The following AGTRAP variants were observed in gnomAD, a reference collection of about 807,000 sequenced individuals.
AGTRAP encodes the protein type-1 angiotensin II receptor-associated protein.
Under a neutral mutation model 15.2 loss-of-function variants are expected in AGTRAP, and 7 were observed. The observed-to-expected ratio is 0.46, with a 90% confidence interval of 0.26 to 0.87. AGTRAP has a LOEUF of 0.87. AGTRAP is among the 40% of genes least tolerant of loss of function. The pLI, the probability that AGTRAP is intolerant of heterozygous loss-of-function variation, is 0.15. For synonymous variants in AGTRAP, 74 were observed against 89.6 expected (o/e 0.83, Z 0.98); for missense variants, 187 against 213.4 (o/e 0.88, Z 0.77).
At position 11,750,447 on chromosome 1, in the gene AGTRAP, C is replaced by T; in HGVS notation, c.*255C>T. On this transcript the variant is annotated 3_prime_UTR_variant, in exon 5 of 5. Transcript: ENST00000314340. Reference sequence around the variant, plus strand: ...AGGCTGGAACCAGGGTCTCTCTTTACCTCCTACCCCATGGTGGCACCACAG... The same window carrying T: ...AGGCTGGAACCAGGGTCTCTCTTTATCTCCTACCCCATGGTGGCACCACAG... The T allele has an allele frequency of 1.7e-6, 1 of 600,820 alleles. No homozygotes were observed. The highest frequency in any genetic ancestry group is 3.0e-6 in the Non-Finnish European group (1 of 337,000). The allele number at this position is 600,820 out of a possible 1,614,324, so 37.2% of individuals were successfully genotyped here.
In AGTRAP at chr1:11,745,827, C is replaced by A. The variant is rs532577781; in HGVS notation, c.52C>A (p.Leu18Met). 1 of 1,614,042 alleles carries A rather than the reference C, an allele frequency of 6.2e-7. No homozygotes were observed. The change falls in exon 2 of 5, where the codon CTG becomes ATG. Residue 18 changes from leucine (L) to methionine (M), a missense_variant. By Grantham distance (15) the Leu-to-Met change is conservative (BLOSUM62 2). Transcript: ENST00000314340. This position sits in a 1 kb window ranked among gnomAD's most constrained non-coding sequence, Gnocchi z 4.2. ...LKVILLGHWLLTTWGCIVFSG... is the reference protein window; with the variant it reads ...LKVILLGHWLMTTWGCIVFSG... ...GGTGATTCTCCTAGGTCACTGGCTG[C>A]TGACAACCTGGTAAGTGACTCTGTG...
At chr1:11,741,174 C>T (rs931197978) in intron 1 of AGTRAP, among the ~76,000 whole-genome samples, 5 of 151,848 alleles carry the variant, frequency 3.3e-5, no homozygotes, top group Admixed American at 3.3e-4. Flanking sequence ...TTGTGAGTGC[C>T]GCCCCTCCTG....
intron 3 of AGTRAP, 110 bp from the exon 4 acceptor site, chr1:11,748,305 A>T: frequency 8.0e-7 from 1 of 1,244,458 alleles, no homozygotes; most frequent in Non-Finnish European, 1.1e-6. Context: ...ATTTTCCCGC[A>T]AGCCCCAAGG....
chr1:11,736,308 A>G (rs2100756545), intron 1 of AGTRAP, 73 bp downstream of exon 1: 7 of 1,567,868 alleles, frequency 4.5e-6, no homozygotes, highest in Non-Finnish European at 5.2e-6. Flanking sequence ...GGAAGGTGGG[A>G]GGAAGGACCG....
At position 11,745,953 on chromosome 1, in the gene AGTRAP, G is replaced by A. The variant is rs753601812; in HGVS notation, c.62+116G>A. 4.2e-6 allele frequency: 6 copies of A among 1,420,372 alleles called. No homozygotes were observed. In the South Asian group the frequency reaches 5.8e-5, roughly 14 times the overall value. 88.0% of individuals were successfully genotyped at this position (1,420,372 alleles called of 1,614,324 possible). On this transcript the variant is annotated intron_variant, in intron 2 of 4. Transcript: ENST00000314340. This position sits in a 1 kb window ranked among gnomAD's most constrained non-coding sequence, Gnocchi z 4.2. ...AGGTCACTTTGGGCCAGACAGCTCTGCCTCTCCGGGTCTTGATTTCCGTCT... is the reference window on the plus strand; with the variant it reads ...AGGTCACTTTGGGCCAGACAGCTCTACCTCTCCGGGTCTTGATTTCCGTCT...
intron 1 of AGTRAP, among the ~76,000 whole-genome samples, chr1:11,737,835 C>T (rs904640477): frequency 6.6e-6 from 1 of 152,058 alleles, no homozygotes; most frequent in Admixed American, 6.5e-5. Context: ...GCTGGTCCTC[C>T]CCTTGACTTG....
chr1:11,736,381 G>A, intron 1 of AGTRAP, 146 bp downstream of exon 1: 2 of 1,165,370 alleles, frequency 1.7e-6, no homozygotes, highest in Non-Finnish European at 2.4e-6. Flanking sequence ...GCAAGAAGGA[G>A]ATGGGCAGGC....
chr1:11,736,965 C>T (rs934884398), intron 1 of AGTRAP, among the ~76,000 whole-genome samples: 3 of 152,158 alleles, frequency 2.0e-5, no homozygotes, highest in Non-Finnish European at 4.4e-5. Context: ...GGGCTAGGGG[C>T]TGTAGTTTTG....
intron 3 of AGTRAP, 108 bp from the exon 4 acceptor site, chr1:11,748,306 AG>A: frequency 8.0e-7 from 1 of 1,246,288 alleles, no homozygotes; most frequent in Non-Finnish European, 1.1e-6. Context: ...TTTTCCCGCA[AG>A]CCCCAAGGAC....
intron 1 of AGTRAP, 83 bp downstream of exon 1, chr1:11,736,318 G>A: frequency 6.5e-7 from 1 of 1,543,966 alleles, no homozygotes; most frequent in Non-Finnish European, 8.8e-7. Context: ...AGGAAGGACC[G>A]GAGTTTTGGG....
At chr1:11,748,067 G>A (rs1642214251) in intron 3 of AGTRAP, among the ~76,000 whole-genome samples, 1 of 152,206 alleles carries the variant, frequency 6.6e-6, no homozygotes, top group Non-Finnish European at 1.5e-5. Context: ...GGATGACTGA[G>A]AAGAGATTTT....
intron 1 of AGTRAP, chr1:11,744,425 C>A: frequency 1.6e-6 from 1 of 637,126 alleles, no homozygotes; most frequent in Non-Finnish European, 2.9e-6. Flanking sequence ...TGGCATGAAG[C>A]CCACGCTCCT....
chr1:11,742,974 G>A (rs1642068827), intron 1 of AGTRAP, among the ~76,000 whole-genome samples: 1 of 152,196 alleles, frequency 6.6e-6, no homozygotes, highest in African/African-American at 2.4e-5. Flanking sequence ...CTTCCAGCCT[G>A]ACCCCTCAAT....
chr1:11,747,581 A>G (rs183704861), intron 3 of AGTRAP, 36 bp downstream of exon 3: 4 of 1,601,134 alleles, frequency 2.5e-6, no homozygotes, highest in Non-Finnish European at 3.4e-6. Context: ...CAAGGCGGGG[A>G]GCCGCAGCAC....
chr1:11,746,808 T>C (rs568090820), intron 2 of AGTRAP: 10 of 157,602 alleles, frequency 6.3e-5, no homozygotes, highest in South Asian at 3.7e-4. Flanking sequence ...TTCACTATGA[T>C]TTTGATTGGA....
intron 3 of AGTRAP, 65 bp downstream of exon 3, chr1:11,747,610 G>C (rs1228433679): frequency 6.6e-7 from 1 of 1,521,500 alleles, no homozygotes; most frequent in Non-Finnish European, 9.1e-7. Flanking sequence ...ACATAGCCTG[G>C]CTCTGCTACC....
chr1:11,738,001 G>T (rs531798972), intron 1 of AGTRAP, among the ~76,000 whole-genome samples: 2 of 152,330 alleles, frequency 1.3e-5, no homozygotes, highest in South Asian at 4.1e-4. Context: ...TTTAGTATGA[G>T]TAAGTCTCAG....
intron 1 of AGTRAP, among the ~76,000 whole-genome samples, chr1:11,739,551 C>CA (rs1465070501): frequency 1.3e-5 from 2 of 151,968 alleles, no homozygotes; most frequent in Admixed American, 6.6e-5. Flanking sequence ...GACTCTGTCT[C>CA]AAAAAAACAA....
intron 2 of AGTRAP, 83 bp from the exon 3 acceptor site, chr1:11,747,357 G>A: frequency 7.9e-7 from 1 of 1,258,872 alleles, no homozygotes. Flanking sequence ...GTTCTGGGAG[G>A]AGGCCCTGAG....
Sources: allele counts gnomAD v4.1 joint callset (sites outside exome capture counted in the v4.1 genomes callset), GRCh38; gene constraint gnomAD v4.1.1; non-coding constraint Gnocchi (gnomAD v3.1); transcripts MANE v1.5; gene names NCBI Gene and HGNC (gene_info 2026-07-23, HGNC 2026-07-21).